Variants in PLXNA4 observed in about 807,000 individuals in gnomAD.
The protein encoded by PLXNA4 is plexin A4, also known as plexin-A4.
Under a neutral mutation model 191.8 loss-of-function variants are expected in PLXNA4, and 44 were observed. That is an observed-to-expected ratio of 0.23 (90% CI 0.18 to 0.29). The LOEUF (loss-of-function observed/expected upper bound fraction) is 0.29, where lower values mean the gene tolerates loss of function less well. PLXNA4 is among the 10% of genes least tolerant of loss of function. PLXNA4 has a pLI of 1.00. For synonymous variants in PLXNA4, 1,082 were observed against 1,009.5 expected (o/e 1.07, Z -1.36); for missense variants, 1,800 against 2,488.8 (o/e 0.72, Z 5.89).
At chr7:132,479,949 C>T (rs976414731) in intron 3 of PLXNA4, among the ~76,000 whole-genome samples, 1 of 152,166 alleles carries the variant, frequency 6.6e-6, no homozygotes, top group Admixed American at 6.5e-5. Flanking sequence ...TGAGCCACTG[C>T]GCCTGGCCTC....
chr7:132,189,007 A>AG (rs1796992268), intron 14 of PLXNA4, among the ~76,000 whole-genome samples: 1 of 78,532 alleles, frequency 1.3e-5, no homozygotes, highest in Non-Finnish European at 2.7e-5. Flanking sequence ...AGAGAGAGAG[A>AG]GAGAGAGAGA....
Position 132,490,711 on chromosome 7 carries a change from C to T in PLXNA4, c.1189-1237G>A, listed in dbSNP as rs73724041. 1.9e-3 allele frequency among the ~76,000 whole-genome samples: 295 copies of T among 152,236 alleles called. 2 individuals are homozygous for T. The highest frequency in any genetic ancestry group is 6.8e-3 in the African/African-American group (283 of 41,552). ...GAAGTGCTAGCATTACGGGTGTGAG[C>T]CCTTGCACCCAGCTGCTAAACCATT... is the stretch of plus-strand genomic sequence containing the variant. On this transcript the variant is annotated intron_variant, in intron 2 of 31. Transcript: ENST00000321063.
At chr7:132,596,284 G>A (rs1046975421) in intron 2 of PLXNA4, among the ~76,000 whole-genome samples, 1 of 152,226 alleles carries the variant, frequency 6.6e-6, no homozygotes, top group African/African-American at 2.4e-5. Context: ...AACACTCTGA[G>A]TGTGGGCTGA....
chr7:132,375,393 G>T (rs188920539), intron 3 of PLXNA4, among the ~76,000 whole-genome samples: 7 of 152,054 alleles, frequency 4.6e-5, no homozygotes, highest in African/African-American at 9.6e-5. Context: ...GGTAGAAAAG[G>T]CTCAAGAATA....
chr7:132,327,783 C>T (rs751099053), intron 3 of PLXNA4, among the ~76,000 whole-genome samples: 64 of 152,204 alleles, frequency 4.2e-4, no homozygotes, highest in African/African-American at 1.4e-3. Context: ...GCAGAGCACA[C>T]GGTCCATTGT....
intron 2 of PLXNA4, among the ~76,000 whole-genome samples, chr7:132,583,732 C>T (rs1265374954): frequency 6.6e-6 from 1 of 152,208 alleles, no homozygotes; most frequent in East Asian, 1.9e-4. Flanking sequence ...GCCCTATTTT[C>T]CTGGCCAGGC....
intron 3 of PLXNA4, chr7:132,384,948 C>T (rs187808278): frequency 1.1e-5 from 15 of 1,326,800 alleles, no homozygotes; most frequent in Middle Eastern, 3.0e-4. Flanking sequence ...TGCCTACACT[C>T]CATTGTCCAA....
chr7:132,339,963 A>C (rs538847380), intron 3 of PLXNA4, among the ~76,000 whole-genome samples: 1 of 152,388 alleles, frequency 6.6e-6, no homozygotes, highest in East Asian at 1.9e-4. Context: ...CACACACAGC[A>C]TATAAAACAA....
chr7:132,633,123 G>C (rs1357779642), intron 2 of PLXNA4, among the ~76,000 whole-genome samples: 2 of 152,042 alleles, frequency 1.3e-5, no homozygotes, highest in African/African-American at 2.4e-5. Context: ...CAGTATGTAG[G>C]GGGAGGTGGG....
chr7:132,366,354 T>C (rs6976361), intron 3 of PLXNA4, among the ~76,000 whole-genome samples: 42,854 of 151,948 alleles, frequency 0.28, 7,123 homozygotes, highest in African/African-American at 0.42. Flanking sequence ...TGAAACCCCA[T>C]CTCTACTAAA....
intron 4 of PLXNA4, among the ~76,000 whole-genome samples, chr7:132,263,443 G>A (rs1471462664): frequency 1.3e-5 from 2 of 152,218 alleles, no homozygotes; most frequent in Admixed American, 6.5e-5. Flanking sequence ...ACATGCCTGG[G>A]CTGAGTTATG....
chr7:132,228,588 G>A (rs1371715052), intron 5 of PLXNA4, 119 bp from the exon 6 acceptor site: 1 of 1,304,416 alleles, frequency 7.7e-7, no homozygotes, highest in East Asian at 2.5e-5. Flanking sequence ...AATGCGCCCA[G>A]AGCTAACCTT....
chr7:132,356,135 G>A (rs1803695832), intron 3 of PLXNA4, among the ~76,000 whole-genome samples: 1 of 152,156 alleles, frequency 6.6e-6, no homozygotes, highest in African/African-American at 2.4e-5. Flanking sequence ...GACATCTTAA[G>A]CCAGATCTTC....
At chr7:132,592,923 G>C (rs1296871897) in intron 2 of PLXNA4, among the ~76,000 whole-genome samples, 2 of 150,814 alleles carry the variant, frequency 1.3e-5, no homozygotes, top group African/African-American at 4.9e-5. Flanking sequence ...CATTCACCTT[G>C]ATGTTATTTT....
chr7:132,269,664 CTTTT>C (rs778720321), intron 4 of PLXNA4, among the ~76,000 whole-genome samples: 3 of 148,296 alleles, frequency 2.0e-5, no homozygotes, highest in African/African-American at 2.5e-5. Context: ...AAAAAAAGAT[CTTTT>C]TTTTTTTCTG....
chr7:132,186,276 G>A lies in PLXNA4; in HGVS notation c.2994-813C>T, dbSNP rs113601527. Among the ~76,000 whole-genome samples, 21 of 152,324 alleles carry A rather than the reference G, an allele frequency of 1.4e-4. No homozygotes were observed. The South Asian group carries it at 1.7e-3, about 12-fold the overall frequency. ...AGGACCAGGGGAGGCAAGGTCACCTGGCCTTGTAGGCTCAACCTCAACCAC... is the reference window on the plus strand; with the variant it reads ...AGGACCAGGGGAGGCAAGGTCACCTAGCCTTGTAGGCTCAACCTCAACCAC... On this transcript the variant is annotated intron_variant, in intron 15 of 31. Transcript: ENST00000321063.
intron 3 of PLXNA4, among the ~76,000 whole-genome samples, chr7:132,325,402 G>T (rs1251265265): frequency 6.6e-6 from 1 of 152,192 alleles, no homozygotes; most frequent in Non-Finnish European, 1.5e-5. Context: ...AGTTGTTATG[G>T]GTTGAACTGT....
At chr7:132,422,073 C>T (rs1563089621) in intron 3 of PLXNA4, among the ~76,000 whole-genome samples, 1 of 152,170 alleles carries the variant, frequency 6.6e-6, no homozygotes, top group Non-Finnish European at 1.5e-5. Flanking sequence ...CACAGAAAAA[C>T]GGTTATACTC....
intron 3 of PLXNA4, among the ~76,000 whole-genome samples, chr7:132,448,105 A>G (rs1184561096): frequency 6.6e-6 from 1 of 152,236 alleles, no homozygotes; most frequent in Non-Finnish European, 1.5e-5. Context: ...ACATTGGACT[A>G]CTAGGTTCCA....
Sources: gnomAD v4.1 joint callset for allele counts (sites outside exome capture counted in the v4.1 genomes callset) on GRCh38, gnomAD v4.1.1 for gene constraint, MANE v1.5 for transcripts, NCBI Gene and HGNC (gene_info 2026-07-23, HGNC 2026-07-21) for gene names.